Variants in HEATR6 observed in about 807,000 individuals in gnomAD.
The protein encoded by HEATR6 is HEAT repeat containing 6.
Under a neutral mutation model 132.8 loss-of-function variants are expected in HEATR6, and 106 were observed. The ratio of observed to expected loss-of-function variants is 0.80; its 90% CI spans 0.68 to 0.94. HEATR6 has a LOEUF of 0.94. Among genes scored for constraint, HEATR6 ranks in the 40% least tolerant of loss-of-function variants. The pLI, the probability that HEATR6 is intolerant of heterozygous loss-of-function variation, is 0.00. For missense variants in HEATR6, 1,339 were observed against 1,425.1 expected (o/e 0.94, Z 0.97); for synonymous variants, 529 against 537.8 (o/e 0.98, Z 0.23).
chr17:60,048,836 T>C (rs1906458947), intron 16 of HEATR6, among the ~76,000 whole-genome samples: 2 of 151,916 alleles, frequency 1.3e-5, no homozygotes, highest in Admixed American at 6.6e-5. Context: ...AAAAACTATG[T>C]CAGCTTTCTA....
In HEATR6 at chr17:60,056,220, TGCCAGAAGAGTCAATA is replaced by T. The variant is rs1325210395; in HGVS notation, c.2081_2096del (p.Val694GlufsTer7). ...CTTGAGTCATTGAAAAGTAGCCCCT[TGCCAGAAGAGTCAATA>T]CCTGCAAAGAGAGCATGGAATTAAC... On this transcript the variant is annotated frameshift_variant and splice_region_variant, in exon 13 of 20. Coordinates refer to ENST00000184956, the MANE Select transcript of HEATR6 (RefSeq NM_022070.5). The T allele has an allele frequency of 1.2e-6, 2 of 1,613,920 alleles. No homozygotes were observed. Among genetic ancestry groups the T allele is most frequent in the East Asian group, 4.5e-5 (2 of 44,844 alleles).
At chr17:60,072,883 T>A (rs567793698) in intron 4 of HEATR6, among the ~76,000 whole-genome samples, 6 of 152,338 alleles carry the variant, frequency 3.9e-5, no homozygotes, top group African/African-American at 1.4e-4. Flanking sequence ...TTAATATGCT[T>A]AGAATTTATA....
chr17:60,044,103 A>G lies in HEATR6; in HGVS notation c.3006T>C (p.Asn1002=), dbSNP rs1906283020. ...ATGATGTCACGACCGATGTCAGGGCATTGTAGGCCTGGGAGGTCCATGGGG... is the reference window on the plus strand; with the variant it reads ...ATGATGTCACGACCGATGTCAGGGCGTTGTAGGCCTGGGAGGTCCATGGGG... The part of the protein sequence containing the change: ...GTAPWTSQAY[N]ALTSVVTSCK... The change falls in exon 20 of 20, where the codon AAT becomes AAC. Residue 1002 remains asparagine, a synonymous_variant. Transcript: ENST00000184956. 1 of 1,613,056 alleles carries G rather than the reference A, an allele frequency of 6.2e-7. No homozygotes were observed. The highest frequency in any genetic ancestry group is 1.7e-5 in the Admixed American group (1 of 59,950).
In HEATR6 at chr17:60,076,234, C is replaced by T. The variant is rs761835181; in HGVS notation, c.223G>A (p.Val75Ile). ...SEGSGVAPED[V>I]SALLVQACRL... ...CAAGCCTGGACAAGAAGAGCACTAA[C>T]GTCCTACCAAAAAAAAAAAGATAAG... is the stretch of plus-strand genomic sequence containing the variant. The change falls in exon 2 of 20, where the codon GTT becomes ATT. Residue 75 changes from valine to isoleucine, a missense_variant. Val to Ile is a conservative substitution (Grantham distance 29). Coordinates refer to ENST00000184956, the MANE Select transcript of HEATR6 (RefSeq NM_022070.5). The T allele has an allele frequency of 1.1e-5, 18 of 1,576,742 alleles. No individual in the cohort carries two copies. Among genetic ancestry groups the T allele is most frequent in the South Asian group, 2.2e-5 (2 of 88,910 alleles).
intron 9 of HEATR6, 111 bp from the exon 10 acceptor site, chr17:60,060,207 A>G (rs998294341): frequency 2.4e-5 from 18 of 746,174 alleles, no homozygotes; most frequent in Non-Finnish European, 3.8e-5. Flanking sequence ...AATTGGAAGA[A>G]TAAAGGCAAT....
intron 15 of HEATR6, 69 bp downstream of exon 15, chr17:60,050,774 C>T: frequency 1.3e-6 from 2 of 1,580,244 alleles, no homozygotes; most frequent in Non-Finnish European, 8.6e-7. Flanking sequence ...GTTCAAAATG[C>T]AAAAGCATCA....
At chr17:60,050,710 T>A in intron 15 of HEATR6, 133 bp downstream of exon 15, 1 of 1,061,706 alleles carries the variant, frequency 9.4e-7, no homozygotes, top group South Asian at 1.6e-5. Context: ...AGTGCCCTCA[T>A]CCCCAACTCA....
intron 9 of HEATR6, among the ~76,000 whole-genome samples, chr17:60,062,357 G>T (rs770898601): frequency 6.6e-6 from 1 of 152,186 alleles, no homozygotes; most frequent in Admixed American, 6.5e-5. Context: ...TGAATGAAAG[G>T]CTTTTCAGTC....
At chr17:60,066,774 A>G (rs878877499) in intron 8 of HEATR6, among the ~76,000 whole-genome samples, 1 of 152,206 alleles carries the variant, frequency 6.6e-6, no homozygotes, top group Admixed American at 6.5e-5. Flanking sequence ...CCAGACATAA[A>G]CAAAGCCCCA....
intron 14 of HEATR6, among the ~76,000 whole-genome samples, chr17:60,051,580 T>C (rs932131825): frequency 6.6e-6 from 1 of 152,218 alleles, no homozygotes; most frequent in Non-Finnish European, 1.5e-5. Context: ...CACTCTTAAA[T>C]TGGGCAGTCG....
rs764786713 is a variant in HEATR6, at chr17:60,078,800, C to G, written c.115G>C (p.Ala39Pro). Residue 39 changes from alanine (A) to proline (P), a missense_variant, in exon 1 of 20, where the codon GCC (alanine) becomes CCC (proline). Physicochemically the swap from Ala to Pro is conservative, Grantham distance 27. Coordinates refer to ENST00000184956, the MANE Select transcript of HEATR6 (RefSeq NM_022070.5). ...GAGCTGCTGTCATCCGGGCGCAGGG[C>G]GCAGAGCCTGGCAGACAAGAGGCGA... is the stretch of plus-strand genomic sequence containing the variant. ...GFRLLSARLC[A>P]LRPDDSSSAR... 3 of 1,597,202 alleles carry G rather than the reference C, an allele frequency of 1.9e-6. No individual in the cohort carries two copies. In the Admixed American group the frequency reaches 5.2e-5, roughly 28 times the overall value.
chr17:60,076,389 CA>C, intron 1 of HEATR6, 152 bp from the exon 2 acceptor site: 1 of 581,584 alleles, frequency 1.7e-6, no homozygotes, highest in South Asian at 2.1e-5. Flanking sequence ...AGTGATAGCA[CA>C]AAAACAGCAT....
chr17:60,055,889 A>C (rs113016570), intron 13 of HEATR6, among the ~76,000 whole-genome samples: 7 of 152,228 alleles, frequency 4.6e-5, no homozygotes, highest in African/African-American at 9.7e-5. Flanking sequence ...ATCAACAGCT[A>C]TATCTTATTA....
chr17:60,076,616 T>C (rs893006831), intron 1 of HEATR6: 1 of 162,934 alleles, frequency 6.1e-6, no homozygotes, highest in South Asian at 1.6e-4. Context: ...GGTGGGAGGA[T>C]GGCTTGAGCC....
In HEATR6 at chr17:60,078,765, G is replaced by T. The variant is rs1196382464; in HGVS notation, c.150C>A (p.Thr50=). Residue 50 remains threonine (T), a synonymous_variant, in exon 1 of 20, where the codon ACC becomes ACA. Transcript: ENST00000184956. ...GCTGATCGAAGAGCAGGTGGATCTC[G>T]GTGCGGGCGGAGCTGCTGTCATCCG... is the stretch of plus-strand genomic sequence containing the variant. ...LRPDDSSSAR[T]EIHLLFDQLI... is the part of the protein sequence containing the mutation. 3 of 1,574,112 alleles carry T rather than the reference G, an allele frequency of 1.9e-6. No homozygotes were observed. Among genetic ancestry groups the T allele is most frequent in the Admixed American group, 3.7e-5 (2 of 53,998 alleles).
Position 60,055,516 on chromosome 17 carries a change from A to C in HEATR6, c.2288T>G (p.Leu763Trp), listed in dbSNP as rs780811500. ...AACTATGAATTGACATTTATTTACCAAGAAGACTGGTGCTCTCTGATCAGG... is the reference window on the plus strand; with the variant it reads ...AACTATGAATTGACATTTATTTACCCAGAAGACTGGTGCTCTCTGATCAGG... ...AAPDQRAPVF[L>W]VVMFWTMMLN... Residue 763 changes from leucine to tryptophan, a missense_variant and splice_region_variant, in exon 14 of 20, where the codon TTG becomes TGG. Physicochemically the swap from Leu to Trp is moderately conservative, Grantham distance 61. Coordinates refer to ENST00000184956, the MANE Select transcript of HEATR6 (RefSeq NM_022070.5). 1.6e-5 allele frequency: 25 copies of C among 1,600,316 alleles called. No homozygotes were observed. Among genetic ancestry groups the C allele is most frequent in the Non-Finnish European group, 2.0e-5 (23 of 1,172,432 alleles).
chr17:60,072,461 A>T (rs1303889192), intron 4 of HEATR6, 132 bp from the exon 5 acceptor site: 2 of 460,494 alleles, frequency 4.3e-6, no homozygotes, highest in East Asian at 6.7e-5. Context: ...TATGCTATGG[A>T]AAATTATTAT....
At chr17:60,051,720 G>A (rs1906581776) in intron 14 of HEATR6, among the ~76,000 whole-genome samples, 2 of 152,048 alleles carry the variant, frequency 1.3e-5, no homozygotes, top group African/African-American at 4.8e-5. Context: ...CTGTGGTTTT[G>A]GTATGTTTTA....
Position 60,048,365 on chromosome 17 carries a change from T to C in HEATR6, c.2571A>G (p.Ala857=), listed in dbSNP as rs1410633340. ...LRQDVIFVAD[A]ANAILMSLED... is the part of the protein sequence containing the mutation. ...CAAGTGACATCAATATTGCATTTGC[T>C]GCGTCTGCAACAAATATGACATCCT... Residue 857 remains alanine, a synonymous_variant, in exon 17 of 20, where the codon GCA becomes GCG. Transcript: ENST00000184956. 1.2e-6 allele frequency: 2 copies of C among 1,612,342 alleles called. No individual in the cohort carries two copies. Among genetic ancestry groups the C allele is most frequent in the Non-Finnish European group, 1.7e-6 (2 of 1,178,784 alleles).
Sources: gnomAD v4.1 joint callset for allele counts (sites outside exome capture counted in the v4.1 genomes callset) on GRCh38, gnomAD v4.1.1 for gene constraint, MANE v1.5 for transcripts, NCBI Gene and HGNC (gene_info 2026-07-23, HGNC 2026-07-21) for gene names.